LMOD1: variants seen among roughly 807,000 people sequenced by gnomAD.
The protein encoded by LMOD1 is leiomodin-1.
In LMOD1, 8 loss-of-function variants were observed where a neutral mutation model predicts 36.5. That is an observed-to-expected ratio of 0.22 (90% confidence interval 0.13 to 0.40). The LOEUF (loss-of-function observed/expected upper bound fraction) is 0.40, where lower values mean the gene tolerates loss of function less well. Among genes scored for constraint, LMOD1 ranks in the 10% least tolerant of loss-of-function variants. The pLI, the probability that LMOD1 is intolerant of heterozygous loss-of-function variation, is 1.00. For missense variants in LMOD1, 630 were observed against 751.1 expected (o/e 0.84, Z 1.88); for synonymous variants, 284 against 288.7 (o/e 0.98, Z 0.17).
rs1485964272 is a variant in LMOD1 at position 201,919,151 on chromosome 1, T to G, written c.262-18400A>C. Among the ~76,000 whole-genome samples, 3 of 151,758 alleles carry G rather than the reference T, an allele frequency of 2.0e-5. No homozygotes were observed. The East Asian group carries it at 5.8e-4, about 29-fold the overall frequency. ...GCAATCCTCCCGCCTTGGCCTCACTTTTGCTGGGATTACAGGTGTGAGCCA... is the reference window on the plus strand; with the variant it reads ...GCAATCCTCCCGCCTTGGCCTCACTGTTGCTGGGATTACAGGTGTGAGCCA... On this transcript the variant is annotated intron_variant, in intron 1 of 2. Transcript: ENST00000367288.
At chr1:201,925,170 C>A (rs1681806220) in intron 1 of LMOD1, among the ~76,000 whole-genome samples, 1 of 151,886 alleles carries the variant, frequency 6.6e-6, no homozygotes, top group Non-Finnish European at 1.5e-5. Context: ...TGAGATTGTG[C>A]CACTGTACTC....
chr1:201,942,054 T>C (rs892173674), intron 1 of LMOD1, among the ~76,000 whole-genome samples: 2 of 152,202 alleles, frequency 1.3e-5, no homozygotes, highest in African/African-American at 4.8e-5. Context: ...CTACCTGGGC[T>C]GAAGGAGAGT....
chr1:201,902,468 A>T (rs1673759365), intron 1 of LMOD1, among the ~76,000 whole-genome samples: 1 of 137,226 alleles, frequency 7.3e-6, no homozygotes, highest in South Asian at 2.3e-4. Context: ...TTTGTTTTTG[A>T]CAGAATCTTG....
At chr1:201,934,430 G>A (rs1304640094) in intron 1 of LMOD1, among the ~76,000 whole-genome samples, 1 of 152,154 alleles carries the variant, frequency 6.6e-6, no homozygotes, top group Non-Finnish European at 1.5e-5. Flanking sequence ...ACCTGCTGCT[G>A]AGATGTGACC....
chr1:201,919,740 C>T (rs1681669424), intron 1 of LMOD1, among the ~76,000 whole-genome samples: 1 of 152,206 alleles, frequency 6.6e-6, no homozygotes. Context: ...TAAAAGCTCA[C>T]TGTGACTCTC....
intron 1 of LMOD1, among the ~76,000 whole-genome samples, chr1:201,926,058 G>T (rs1371980372): frequency 6.6e-6 from 1 of 152,104 alleles, no homozygotes; most frequent in Non-Finnish European, 1.5e-5. Context: ...CCCAAAGGAA[G>T]AAAAACCAGG....
intron 1 of LMOD1, among the ~76,000 whole-genome samples, chr1:201,934,429 T>C (rs888705155): frequency 6.6e-6 from 1 of 152,190 alleles, no homozygotes; most frequent in Admixed American, 6.5e-5. Flanking sequence ...TACCTGCTGC[T>C]GAGATGTGAC....
intron 1 of LMOD1, among the ~76,000 whole-genome samples, chr1:201,941,722 T>C (rs1180669432): frequency 6.6e-6 from 1 of 151,502 alleles, no homozygotes; most frequent in East Asian, 1.9e-4. Context: ...GCAGTGGGAG[T>C]GGAAGGTCAG....
chr1:201,942,083 G>A (rs1252884499), intron 1 of LMOD1, among the ~76,000 whole-genome samples: 3 of 152,196 alleles, frequency 2.0e-5, no homozygotes, highest in Non-Finnish European at 2.9e-5. Context: ...GATTAGGGCG[G>A]AGCTACACTG....
intron 1 of LMOD1, among the ~76,000 whole-genome samples, chr1:201,931,694 G>A (rs1207280585): frequency 6.6e-6 from 1 of 152,082 alleles, no homozygotes; most frequent in Non-Finnish European, 1.5e-5. Flanking sequence ...GAAATATGAG[G>A]CTAGATCATC....
chr1:201,918,261 G>C (rs983431564), intron 1 of LMOD1, among the ~76,000 whole-genome samples: 21 of 152,124 alleles, frequency 1.4e-4, no homozygotes, highest in Admixed American at 1.4e-3. Flanking sequence ...GCTGAGATTA[G>C]CTTCCTCACA....
intron 1 of LMOD1, among the ~76,000 whole-genome samples, chr1:201,918,337 C>T (rs890347108): frequency 1.3e-5 from 2 of 152,218 alleles, no homozygotes; most frequent in Admixed American, 1.3e-4. Context: ...CCCCCTGCCT[C>T]CTGTCTTCCT....
intron 1 of LMOD1, among the ~76,000 whole-genome samples, chr1:201,913,862 TATGTAAATTATACATAAAATGTATAA>T (rs1681554504): frequency 6.6e-6 from 1 of 152,192 alleles, no homozygotes; most frequent in South Asian, 2.1e-4. Flanking sequence ...TTTAGCATTT[TATGTAAATTATACATAAAATGTATAA>T]TTTATGTAGC....
chr1:201,900,794 C>T (rs1681288128), intron 1 of LMOD1, 43 bp from the exon 2 acceptor site: 2 of 1,524,292 alleles, frequency 1.3e-6, no homozygotes, highest in South Asian at 1.3e-5. Context: ...AAGCTGGCTA[C>T]AGAGGGAGAG....
intron 1 of LMOD1, among the ~76,000 whole-genome samples, chr1:201,912,504 G>C (rs956317981): frequency 6.6e-6 from 1 of 152,120 alleles, no homozygotes; most frequent in African/African-American, 2.4e-5. Context: ...CTCGATGCCT[G>C]GCACACAGTA....
intron 1 of LMOD1, among the ~76,000 whole-genome samples, chr1:201,901,040 C>T (rs1431425839): frequency 6.6e-6 from 1 of 152,124 alleles, no homozygotes; most frequent in African/African-American, 2.4e-5. Flanking sequence ...TATTCTCAGA[C>T]CCAGAATTGC....
intron 1 of LMOD1, among the ~76,000 whole-genome samples, chr1:201,923,401 A>G (rs1015929808): frequency 2.0e-5 from 3 of 152,154 alleles, no homozygotes; most frequent in Non-Finnish European, 4.4e-5. Context: ...TAAGTTATGC[A>G]CAGTTTGTTG....
chr1:201,920,457 G>A (rs1311082842), intron 1 of LMOD1, among the ~76,000 whole-genome samples: 1 of 152,140 alleles, frequency 6.6e-6, no homozygotes, highest in East Asian at 1.9e-4. Flanking sequence ...TTTAGCAGCT[G>A]AGGCCCTTGG....
chr1:201,904,080 C>T lies in LMOD1; in HGVS notation c.262-3329G>A, dbSNP rs570351392. Among the ~76,000 whole-genome samples, 5 of 152,328 alleles carry T rather than the reference C, an allele frequency of 3.3e-5. No individual in the cohort carries two copies. The East Asian group carries it at 9.6e-4, about 29-fold the overall frequency. ...CCTGGAGTACTCAAGTGCCCAGCTG[C>T]CCACAGAGCCTCACCCACCAGCCTC... is the stretch of plus-strand genomic sequence containing the variant. On this transcript the variant is annotated intron_variant, in intron 1 of 2. Transcript: ENST00000367288.
Sources: gnomAD v4.1 joint callset for allele counts (sites outside exome capture counted in the v4.1 genomes callset) on GRCh38, gnomAD v4.1.1 for gene constraint, MANE v1.5 for transcripts, NCBI Gene and HGNC (gene_info 2026-07-23, HGNC 2026-07-21) for gene names.